KLF7: variants seen among roughly 807,000 people sequenced by gnomAD.
KLF7 encodes Krueppel-like factor 7.
Under a neutral mutation model 27.3 loss-of-function variants are expected in KLF7, and 2 were observed. That is an observed-to-expected ratio of 0.07 (90% CI 0.03 to 0.23). The LOEUF is 0.23. Among genes scored for constraint, KLF7 ranks in the 10% least tolerant of loss-of-function variants. The probability of loss-of-function intolerance (pLI) is 1.00; values close to 1 mark genes in which losing one functional copy is unlikely to be tolerated. For missense variants in KLF7, 221 were observed against 394.1 expected (o/e 0.56, Z 3.72); for synonymous variants, 165 against 162.4 (o/e 1.02, Z -0.12).
At chr2:207,116,071 C>G (rs1465368929) in intron 2 of KLF7, among the ~76,000 whole-genome samples, 1 of 152,204 alleles carries the variant, frequency 6.6e-6, no homozygotes, top group African/African-American at 2.4e-5. Context: ...CAGTTTGCCT[C>G]CATCAGGGTG....
intron 1 of KLF7, among the ~76,000 whole-genome samples, chr2:207,140,621 C>A (rs1329326851): frequency 1.3e-5 from 2 of 152,164 alleles, no homozygotes; most frequent in Admixed American, 1.3e-4. Context: ...TAACACACCT[C>A]TAACCAAGAG....
intron 2 of KLF7, among the ~76,000 whole-genome samples, chr2:207,089,828 A>G (rs2076470414): frequency 6.6e-6 from 1 of 152,220 alleles, no homozygotes; most frequent in Admixed American, 6.5e-5. Context: ...GAGTCACATA[A>G]CTAATAAACA....
At chr2:207,082,884 C>G (rs924535840) in intron 3 of KLF7, among the ~76,000 whole-genome samples, 1 of 152,150 alleles carries the variant, frequency 6.6e-6, no homozygotes, top group Non-Finnish European at 1.5e-5. Flanking sequence ...TTCTCCACAC[C>G]CCCTGTTTGT....
intron 2 of KLF7, among the ~76,000 whole-genome samples, chr2:207,101,648 A>G (rs572343560): frequency 6.6e-6 from 1 of 152,198 alleles, no homozygotes; most frequent in South Asian, 2.1e-4. Flanking sequence ...CCCTCAAGAG[A>G]CTGACTCCCT....
intron 2 of KLF7, among the ~76,000 whole-genome samples, chr2:207,113,365 T>A (rs1032528984): frequency 2.3e-4 from 35 of 152,202 alleles, no homozygotes; most frequent in Non-Finnish European, 4.0e-4. Context: ...TTAATGTGTT[T>A]CCATAGCTAA....
At chr2:207,165,212 A>C (rs2078671574) in intron 1 of KLF7, among the ~76,000 whole-genome samples, 1 of 152,166 alleles carries the variant, frequency 6.6e-6, no homozygotes, top group Admixed American at 6.5e-5. Flanking sequence ...ACGTGTGCGC[A>C]GGGATGTGTG....
rs565414381 is a variant in KLF7, at chr2:207,143,505, T to C, written c.103-19101A>G. On this transcript the variant is annotated intron_variant, in intron 1 of 3. Coordinates refer to ENST00000309446, the MANE Select transcript of KLF7 (RefSeq NM_003709.4). ...GGGAACTGAAGGTTCGGAGTCTGGG[T>C]ATGTTTTTCTGCTTTGTAGCCTCTC... Among the ~76,000 whole-genome samples the C allele has an allele frequency of 2.0e-5, 3 of 152,178 alleles. No individual in the cohort carries two copies. In the South Asian group the frequency reaches 6.2e-4, roughly 32 times the overall value.
intron 2 of KLF7, among the ~76,000 whole-genome samples, chr2:207,123,381 C>T (rs183201672): frequency 3.9e-5 from 6 of 152,310 alleles, no homozygotes; most frequent in Admixed American, 3.9e-4. Context: ...CCTTGTTTAA[C>T]TGTGAATGCT....
chr2:207,100,313 C>T (rs1346404981), intron 2 of KLF7, among the ~76,000 whole-genome samples: 2 of 152,156 alleles, frequency 1.3e-5, no homozygotes, highest in Non-Finnish European at 2.9e-5. Flanking sequence ...TAATTCTCTT[C>T]CAAGATGATT....
intron 1 of KLF7, chr2:207,148,996 G>A (rs1354982351): frequency 1.7e-6 from 2 of 1,156,350 alleles, no homozygotes; most frequent in South Asian, 1.7e-5. Context: ...GTCATCTACT[G>A]TCCTTCCTTT....
intron 1 of KLF7, among the ~76,000 whole-genome samples, chr2:207,150,749 C>T (rs1307650556): frequency 6.6e-6 from 1 of 152,176 alleles, no homozygotes; most frequent in Non-Finnish European, 1.5e-5. Context: ...AATTTCATTT[C>T]ACCTTCACGG....
Position 207,080,767 on chromosome 2 carries a change from G to C in KLF7, c.*446C>G, listed in dbSNP as rs1438525114. 2 of 400,554 alleles carry C rather than the reference G, an allele frequency of 5.0e-6. No individual in the cohort carries two copies. The highest frequency in any genetic ancestry group is 7.1e-5 in the East Asian group (2 of 28,166). The allele number at this position is 400,554 out of a possible 1,614,324, so 24.8% of individuals were successfully genotyped here. A position where few individuals can be genotyped will look rare whatever the true frequency, so the allele number is the denominator to read the frequency against. ...TAGTGCTACACATATGCAACTTTAA[G>C]ATGCTGGATTCTCCTATCAAGTTGC... On this transcript the variant is annotated 3_prime_UTR_variant, in exon 4 of 4. Transcript: ENST00000309446.
chr2:207,130,595 C>A (rs2077604222), intron 1 of KLF7, among the ~76,000 whole-genome samples: 2 of 152,218 alleles, frequency 1.3e-5, no homozygotes, highest in Admixed American at 1.3e-4. Flanking sequence ...AATCGTCTCA[C>A]AACTCCCATC....
chr2:207,165,173 G>A (rs1448842317), intron 1 of KLF7, among the ~76,000 whole-genome samples: 2 of 152,102 alleles, frequency 1.3e-5, no homozygotes, highest in African/African-American at 2.4e-5. Context: ...AGTTCGGCAG[G>A]TCTCTGATAG....
chr2:207,137,994 T>C (rs2077835936), intron 1 of KLF7, among the ~76,000 whole-genome samples: 1 of 152,200 alleles, frequency 6.6e-6, no homozygotes, highest in South Asian at 2.1e-4. Flanking sequence ...AATCAAGTGC[T>C]GAGACCCTGA....
At chr2:207,161,752 C>T (rs369821928) in intron 1 of KLF7, among the ~76,000 whole-genome samples, 17 of 152,264 alleles carry the variant, frequency 1.1e-4, no homozygotes, top group African/African-American at 3.9e-4. Context: ...GATGAAATTG[C>T]AGTGTTATGG....
rs573049564 is a variant in KLF7 at position 207,143,413 on chromosome 2, C to T, written c.103-19009G>A. ...ATGACATGAAAAAAAAAAATCCCTC[C>T]ATTTACCAAAAAAAAAAAAAAGTTA... On this transcript the variant is annotated intron_variant, in intron 1 of 3. Transcript: ENST00000309446. Among the ~76,000 whole-genome samples, 30 of 150,466 alleles carry T rather than the reference C, an allele frequency of 2.0e-4. No individual in the cohort carries two copies. In the East Asian group the frequency reaches 5.2e-3, roughly 26 times the overall value.
At chr2:207,109,106 A>AAATGCAGT (rs1476627884) in intron 2 of KLF7, among the ~76,000 whole-genome samples, 1 of 152,244 alleles carries the variant, frequency 6.6e-6, no homozygotes, top group Non-Finnish European at 1.5e-5. Flanking sequence ...TAAAATATGC[A>AAATGCAGT]AATGCAGTAG....
intron 1 of KLF7, among the ~76,000 whole-genome samples, chr2:207,162,770 C>T (rs1574601644): frequency 6.6e-6 from 1 of 152,160 alleles, no homozygotes; most frequent in East Asian, 1.9e-4. Flanking sequence ...AGTTTATCAT[C>T]GAAGCCACTC....
Sources: gnomAD v4.1 joint callset for allele counts (sites outside exome capture counted in the v4.1 genomes callset) on GRCh38, gnomAD v4.1.1 for gene constraint, MANE v1.5 for transcripts, NCBI Gene and HGNC (gene_info 2026-07-23, HGNC 2026-07-21) for gene names.